The following PTPRO variants were observed in gnomAD, a reference collection of about 807,000 sequenced individuals.
The protein encoded by PTPRO is protein tyrosine phosphatase receptor type O.
PTPRO carries 62 observed loss-of-function variants against 145.2 expected under a neutral mutation model. The ratio of observed to expected loss-of-function variants is 0.43; its 90% confidence interval spans 0.35 to 0.53. The LOEUF (loss-of-function observed/expected upper bound fraction) is 0.53, where lower values mean the gene tolerates loss of function less well. PTPRO is among the 20% of genes least tolerant of loss of function. The pLI is 0.01. For synonymous variants in PTPRO, 565 were observed against 514.7 expected, an observed-to-expected ratio of 1.10 and a Z score of -1.32; for missense variants, 1,345 against 1,482.7, an observed-to-expected ratio of 0.91 and a Z score of 1.53.
chr12:15,437,643 T>G (rs988920704), intron 1 of PTPRO, among the ~76,000 whole-genome samples: 1 of 150,126 alleles, frequency 6.7e-6, no homozygotes. Context: ...CCCCTTCTGT[T>G]CGTAGATATT....
intron 2 of PTPRO, among the ~76,000 whole-genome samples, chr12:15,487,573 C>A (rs1194206293): frequency 1.3e-5 from 2 of 152,130 alleles, no homozygotes; most frequent in Non-Finnish European, 2.9e-5. Flanking sequence ...CTGTCACCCC[C>A]ATACCCCCAT....
chr12:15,423,470 A>G (rs1324558072), intron 1 of PTPRO, among the ~76,000 whole-genome samples: 1 of 151,918 alleles, frequency 6.6e-6, no homozygotes, highest in Non-Finnish European at 1.5e-5. Flanking sequence ...GGTGGGTTAC[A>G]GTGTTAAAAC....
chr12:15,566,091 ATAAT>A (rs749163124), intron 18 of PTPRO, among the ~76,000 whole-genome samples: 1 of 152,216 alleles, frequency 6.6e-6, no homozygotes, highest in South Asian at 2.1e-4. Context: ...AATAGAAAAG[ATAAT>A]TAATCTAGCC....
chr12:15,439,892 T>C, intron 1 of PTPRO: 1 of 655,406 alleles, frequency 1.5e-6, no homozygotes, highest in East Asian at 2.8e-5. Context: ...GCACACCAAG[T>C]TCAAGGTGTT....
chr12:15,397,847 T>A (rs1308385285), intron 1 of PTPRO, among the ~76,000 whole-genome samples: 1 of 152,154 alleles, frequency 6.6e-6, no homozygotes, highest in African/African-American at 2.4e-5. Flanking sequence ...AAACCATACC[T>A]GCTTAAGGAC....
In PTPRO at chr12:15,595,011, T is replaced by C; in HGVS notation, c.3621T>C (p.Asp1207=). 3 of 1,613,938 alleles carry C rather than the reference T, an allele frequency of 1.9e-6. No individual in the cohort carries two copies. Among genetic ancestry groups the C allele is most frequent in the Non-Finnish European group, 2.5e-6 (3 of 1,179,858 alleles). The change falls in exon 26 of 27, where the codon GAT becomes GAC. Residue 1207 remains aspartate, a synonymous_variant. Transcript: ENST00000281171. The part of the protein sequence containing the change: ...MKKKQQFCIS[D]VIYENVSKS The stretch of plus-strand genomic sequence containing the variant: ...AGAAGCAGCAGTTCTGCATCAGTGA[T>C]GTCATATACGAGAATGTTAGCAAGT...
At chr12:15,419,898 A>T (rs1940089107) in intron 1 of PTPRO, among the ~76,000 whole-genome samples, 1 of 150,274 alleles carries the variant, frequency 6.7e-6, no homozygotes, top group East Asian at 2.0e-4. Flanking sequence ...CTGTAATCCC[A>T]GCACTTTGGG....
intron 19 of PTPRO, among the ~76,000 whole-genome samples, chr12:15,570,274 G>C (rs569169721): frequency 1.3e-5 from 2 of 149,780 alleles, no homozygotes; most frequent in South Asian, 4.2e-4. Flanking sequence ...TGAGTGGTCA[G>C]TGATTCAGGG....
chr12:15,465,265 G>A (rs1042548834), intron 1 of PTPRO, among the ~76,000 whole-genome samples: 1 of 152,188 alleles, frequency 6.6e-6, no homozygotes, highest in Non-Finnish European at 1.5e-5. Context: ...ATCAGTGCTG[G>A]CTGAACATAT....
chr12:15,326,192 G>T (rs1319713475), intron 1 of PTPRO, among the ~76,000 whole-genome samples: 1 of 152,148 alleles, frequency 6.6e-6, no homozygotes, highest in Non-Finnish European at 1.5e-5. Context: ...ATTGCACAGT[G>T]TTGGCAGGTG....
intron 1 of PTPRO, among the ~76,000 whole-genome samples, chr12:15,403,761 T>A (rs1205389089): frequency 6.6e-6 from 1 of 152,102 alleles, no homozygotes; most frequent in African/African-American, 2.4e-5. Context: ...ATTTATAATT[T>A]TTTATTTTGT....
In PTPRO at chr12:15,587,024, G is replaced by A. The variant is rs1403642799; in HGVS notation, c.3383G>A (p.Ser1128Asn). The change falls in exon 24 of 27, where the codon AGC becomes AAC. Residue 1128 changes from serine (S) to asparagine (N), a missense_variant. By Grantham distance (46) the Ser-to-Asn change is conservative (BLOSUM62 1). Transcript: ENST00000281171. The stretch of plus-strand genomic sequence containing the variant: ...ATGGTCCGACAGCAAGCTACCAAGA[G>A]CAAAGGTCCCATGATCATTCACTGC... ...VHMVRQQATK[S>N]KGPMIIHCSA... is the part of the protein sequence containing the mutation. 6.2e-6 allele frequency: 10 copies of A among 1,613,944 alleles called. No individual in the cohort carries two copies. Among genetic ancestry groups the A allele is most frequent in the Non-Finnish European group, 8.5e-6 (10 of 1,180,000 alleles).
At position 15,596,665 on chromosome 12, in the gene PTPRO, GA is replaced by G. The variant is rs1462566074; in HGVS notation, c.*593del. 6.6e-6 allele frequency: 1 copy of G among 152,284 alleles called. No homozygotes were observed. The highest frequency in any genetic ancestry group is 1.5e-5 in the Non-Finnish European group (1 of 68,038). The allele number at this position is 152,284 out of a possible 1,614,324, so 9.4% of individuals were successfully genotyped here. A position where few individuals can be genotyped will look rare whatever the true frequency, so the allele number is the denominator to read the frequency against. ...GATTGGGGAGGTTGGTCAGGGAAGA[GA>G]GGGGTTCTACCCACAGATCAACTGT... On this transcript the variant is annotated 3_prime_UTR_variant, in exon 27 of 27. Transcript: ENST00000281171.
intron 1 of PTPRO, among the ~76,000 whole-genome samples, chr12:15,459,492 G>A (rs946249217): frequency 1.3e-5 from 2 of 152,218 alleles, no homozygotes; most frequent in Admixed American, 6.5e-5. Context: ...GCAATACACT[G>A]AGGGTGGGGA....
In PTPRO at chr12:15,322,798, C is replaced by G; in HGVS notation, c.72C>G (p.Phe24Leu). 1 of 1,612,264 alleles carries G rather than the reference C, an allele frequency of 6.2e-7. No individual in the cohort carries two copies. The highest frequency in any genetic ancestry group is 1.1e-5 in the South Asian group (1 of 90,958). ...LLPLLWLFVL[F>L]KNATAFHVTV... ...CTCTGCTCTGGCTCTTTGTGCTGTTCAAGGTAGGGGAGCTCCTCCACCCCT... is the reference window on the plus strand; with the variant it reads ...CTCTGCTCTGGCTCTTTGTGCTGTTGAAGGTAGGGGAGCTCCTCCACCCCT... Residue 24 changes from phenylalanine to leucine, a missense_variant, in exon 1 of 27, where the codon TTC becomes TTG. Physicochemically the swap from Phe to Leu is conservative, Grantham distance 22 (BLOSUM62 0). Coordinates refer to ENST00000281171, the MANE Select transcript of PTPRO (RefSeq NM_030667.3). This position sits in a 1 kb window ranked among gnomAD's most constrained non-coding sequence, Gnocchi z 6.3.
intron 1 of PTPRO, among the ~76,000 whole-genome samples, chr12:15,389,498 C>T (rs1164042053): frequency 6.6e-6 from 1 of 152,106 alleles, no homozygotes; most frequent in African/African-American, 2.4e-5. Context: ...TCCAGGATAA[C>T]TTTTCTCTCT....
intron 1 of PTPRO, among the ~76,000 whole-genome samples, chr12:15,414,090 T>C (rs966317962): frequency 2.0e-5 from 3 of 152,198 alleles, no homozygotes; most frequent in African/African-American, 4.8e-5. Flanking sequence ...ATTTATCCGG[T>C]TCAATATTTG....
chr12:15,557,281 C>G (rs1313576807), intron 15 of PTPRO, among the ~76,000 whole-genome samples, 174 bp from the exon 16 acceptor site: 2 of 152,202 alleles, frequency 1.3e-5, no homozygotes, highest in Non-Finnish European at 2.9e-5. Flanking sequence ...CCGCCCACCT[C>G]GGCCTCCCAA....
intron 22 of PTPRO, among the ~76,000 whole-genome samples, chr12:15,581,410 T>A (rs1944315040): frequency 6.6e-6 from 1 of 150,606 alleles, no homozygotes; most frequent in African/African-American, 2.4e-5. Context: ...CAAGCGATTC[T>A]CCTGCCTCAG....
Sources: gnomAD v4.1 joint callset for allele counts (sites outside exome capture counted in the v4.1 genomes callset) on GRCh38, gnomAD v4.1.1 for gene constraint, Gnocchi (gnomAD v3.1) non-coding constraint, MANE v1.5 for transcripts, NCBI Gene and HGNC (gene_info 2026-07-23, HGNC 2026-07-21) for gene names.